The following REPS2 variants were observed in gnomAD, a reference collection of about 807,000 sequenced individuals.
REPS2 encodes RALBP1 associated Eps domain containing 2, also known as ralBP1-associated Eps domain-containing protein 2.
A neutral mutation model predicts 53.6 loss-of-function variants in REPS2; 23 were observed. That is an observed-to-expected ratio of 0.43 (90% CI 0.31 to 0.61). The LOEUF is 0.61. REPS2 is among the 20% of genes least tolerant of loss of function. REPS2 has a pLI of 0.11. For synonymous variants in REPS2, 238 were observed against 218.6 expected, an observed-to-expected ratio of 1.09 and a Z score of -0.78; for missense variants, 446 against 534.9, an observed-to-expected ratio of 0.83 and a Z score of 1.64.
intron 11 of REPS2, among the ~76,000 whole-genome samples, chrX:17,073,293 T>G (rs971097654): frequency 1.8e-5 from 2 of 112,415 alleles, no homozygotes; most frequent in Admixed American, 1.9e-4. Flanking sequence ...TTTTATGACA[T>G]TTTATGATGA....
intron 1 of REPS2, among the ~76,000 whole-genome samples, chrX:16,971,820 A>G (rs1256567659): frequency 1.8e-5 from 2 of 112,415 alleles, no homozygotes; most frequent in Non-Finnish European, 3.8e-5. Context: ...GTGCAAAACC[A>G]ATTGACCTTA....
rs201602178 is a variant in REPS2, at chrX:17,050,203, T to C, written c.908-2179T>C. Among the ~76,000 whole-genome samples the C allele has an allele frequency of 3.3e-4, 27 of 81,421 alleles. 2 individuals carry two copies. In the East Asian group the frequency reaches 0.011, roughly 34 times the overall value. 70.7% of individuals were successfully genotyped at this position (81,421 alleles called of 115,157 possible). ...CTTTCTTTCTTTCTTTCTTTTTTTT[T>C]TTTTTTTGACAGGGTCTTACTCTGT... is the stretch of plus-strand genomic sequence containing the variant. On this transcript the variant is annotated intron_variant, in intron 6 of 17. Coordinates refer to ENST00000357277, the MANE Select transcript of REPS2 (RefSeq NM_004726.3).
At chrX:17,089,620 G>A (rs1056601885) in intron 13 of REPS2, among the ~76,000 whole-genome samples, 17 of 111,938 alleles carry the variant, frequency 1.5e-4, no homozygotes, top group Admixed American at 8.5e-4. Flanking sequence ...TCATATAACC[G>A]AATATACAAT....
At chrX:17,155,034 C>A (rs915682859), downstream of REPS2, among the ~76,000 whole-genome samples, 11 of 112,443 alleles carry the variant, frequency 9.8e-5, no homozygotes, top group African/African-American at 3.2e-4. Flanking sequence ...TATTCTGGAA[C>A]TGCAAAGAAA....
chrX:17,137,596 ACTTT>A (rs943787870), intron 16 of REPS2: 2 of 111,414 alleles, frequency 1.8e-5, no homozygotes, highest in Admixed American at 1.9e-4. Flanking sequence ...CTGTCTTTTC[ACTTT>A]CTATTTTTTA....
chrX:17,134,988 C>G (rs1383311889), intron 15 of REPS2, among the ~76,000 whole-genome samples: 2 of 110,393 alleles, frequency 1.8e-5, no homozygotes, highest in Admixed American at 9.6e-5. Context: ...AGGAAAGGCC[C>G]CATGGTGTGA....
chrX:17,140,816 G>A (rs1421723923), intron 17 of REPS2, among the ~76,000 whole-genome samples: 3 of 107,105 alleles, frequency 2.8e-5, no homozygotes, highest in African/African-American at 1.0e-4. Flanking sequence ...TGTCGCCCAC[G>A]CTGGAGTGCG....
the REPS2 span, among the ~76,000 whole-genome samples, chrX:17,181,048 T>C: frequency 8.9e-6 from 1 of 112,263 alleles, no homozygotes; most frequent in Non-Finnish European, 1.9e-5. Flanking sequence ...CTTCCTTGCC[T>C]AAAAGTATAC....
chrX:16,997,582 A>G (rs1048711783), intron 1 of REPS2, among the ~76,000 whole-genome samples: 1 of 112,579 alleles, frequency 8.9e-6, no homozygotes, highest in African/African-American at 3.2e-5. Context: ...CCAAATAAGG[A>G]CTAGTTTACA....
At chrX:17,134,762 T>C (rs1361895779) in intron 15 of REPS2, among the ~76,000 whole-genome samples, 2 of 110,618 alleles carry the variant, frequency 1.8e-5, no homozygotes, top group Non-Finnish European at 1.9e-5. Context: ...TAGCTGGGAC[T>C]ACAGGCATCT....
chrX:17,101,677 T>A (rs1321827753), intron 13 of REPS2, among the ~76,000 whole-genome samples: 1 of 112,053 alleles, frequency 8.9e-6, no homozygotes, highest in Non-Finnish European at 1.9e-5. Context: ...CGAATCAGGA[T>A]CTAAATACTG....
rs762654960 is a variant in REPS2, at chrX:17,077,297, A to G, written c.1406A>G (p.Glu469Gly). The G allele has an allele frequency of 1.7e-5, 21 of 1,206,305 alleles. No homozygotes were observed. The highest frequency in any genetic ancestry group is 2.4e-5 in the Non-Finnish European group (21 of 893,376). The change falls in exon 13 of 18, where the codon GAG (glutamate) becomes GGG (glycine). Residue 469 changes from glutamate to glycine, a missense_variant. Physicochemically the swap from Glu to Gly is moderately conservative, Grantham distance 98 (BLOSUM62 -2). Coordinates refer to ENST00000357277, the MANE Select transcript of REPS2 (RefSeq NM_004726.3). ...TCTTACTCTAGCACCTCCATAGAAGAGGCCATGAAAAGGGGCGAGGACCCT... is the reference window on the plus strand; with the variant it reads ...TCTTACTCTAGCACCTCCATAGAAGGGGCCATGAAAAGGGGCGAGGACCCT... ...SRSYSSTSIE[E>G]AMKRGEDPPT...
chrX:16,964,635 C>T (rs1449016159), intron 1 of REPS2, among the ~76,000 whole-genome samples: 38 of 107,294 alleles, frequency 3.5e-4, no homozygotes, highest in Non-Finnish European at 5.1e-4. Context: ...ACCTCCCGGA[C>T]GGGGCGGCTG....
chrX:16,988,435 G>A (rs955294308), intron 1 of REPS2, among the ~76,000 whole-genome samples: 1 of 112,218 alleles, frequency 8.9e-6, no homozygotes, highest in African/African-American at 3.2e-5. Context: ...AAAATGAGTT[G>A]TATTTCTACA....
At chrX:17,177,451 G>A in the REPS2 span, among the ~76,000 whole-genome samples, 1 of 111,796 alleles carries the variant, frequency 8.9e-6, no homozygotes, top group East Asian at 2.8e-4. Context: ...CCTTGGTCTA[G>A]AAAACATAGA....
chrX:17,108,572 A>G (rs1421154435), intron 14 of REPS2, among the ~76,000 whole-genome samples: 1 of 108,218 alleles, frequency 9.2e-6, no homozygotes, highest in Non-Finnish European at 1.9e-5. Context: ...CAGTTTTCTT[A>G]TGGCAATTGT....
intron 14 of REPS2, among the ~76,000 whole-genome samples, chrX:17,116,685 A>G (rs960672949): frequency 4.5e-5 from 5 of 111,427 alleles, no homozygotes; most frequent in Non-Finnish European, 9.4e-5. Context: ...TTTTATAACA[A>G]CCTGTTCTTG....
At chrX:16,992,103 C>T (rs1897592036) in intron 1 of REPS2, among the ~76,000 whole-genome samples, 1 of 111,365 alleles carries the variant, frequency 9.0e-6, no homozygotes, top group Admixed American at 9.5e-5. Flanking sequence ...CCCCAAATTC[C>T]TATGTTGAAA....
intron 1 of REPS2, among the ~76,000 whole-genome samples, chrX:16,956,444 C>T (rs112536724): frequency 8.7e-4 from 95 of 108,726 alleles, no homozygotes; most frequent in Middle Eastern, 4.7e-3. Context: ...TGGGACTACA[C>T]GTGCATGCCA....
Sources: gnomAD v4.1 joint callset for allele counts (sites outside exome capture counted in the v4.1 genomes callset) on GRCh38, gnomAD v4.1.1 for gene constraint, MANE v1.5 for transcripts, NCBI Gene and HGNC (gene_info 2026-07-23, HGNC 2026-07-21) for gene names.